Variants in TTC28 observed in about 807,000 individuals in gnomAD.
TTC28 encodes the protein tetratricopeptide repeat protein 28.
TTC28 carries 61 observed loss-of-function variants against 198.0 expected under a neutral mutation model. The observed-to-expected ratio is 0.31, with a 90% CI of 0.25 to 0.38. The LOEUF (loss-of-function observed/expected upper bound fraction) is 0.38, where lower values mean the gene tolerates loss of function less well. TTC28 is among the 10% of genes least tolerant of loss of function. The pLI is 1.00. For synonymous variants in TTC28, 1,171 were observed against 1,297.8 expected (o/e 0.90, Z 2.10); for missense variants, 2,678 against 3,164.0 (o/e 0.85, Z 3.69).
At chr22:28,560,641 T>C (rs143732209) in intron 2 of TTC28, among the ~76,000 whole-genome samples, 94 of 152,286 alleles carry the variant, frequency 6.2e-4, no homozygotes, top group Non-Finnish European at 9.1e-4. Context: ...CCTTACTTCA[T>C]TCAGGTCTCT....
chr22:28,671,350 C>T (rs2145709986), intron 1 of TTC28, among the ~76,000 whole-genome samples: 1 of 152,032 alleles, frequency 6.6e-6, no homozygotes, highest in East Asian at 2.0e-4. Context: ...ATATTTTCTT[C>T]CTTGGCCGGG....
At chr22:28,276,194 G>A (rs1261333526) in intron 5 of TTC28, among the ~76,000 whole-genome samples, 1 of 151,796 alleles carries the variant, frequency 6.6e-6, no homozygotes, top group Non-Finnish European at 1.5e-5. Flanking sequence ...TGTATTTTTT[G>A]TAGACACGAG....
At chr22:28,036,932 A>C (rs1246087502) in intron 12 of TTC28, among the ~76,000 whole-genome samples, 1 of 152,186 alleles carries the variant, frequency 6.6e-6, no homozygotes, top group Non-Finnish European at 1.5e-5. Context: ...GAAATGGATA[A>C]ATTCCTCGAC....
intron 2 of TTC28, among the ~76,000 whole-genome samples, chr22:28,434,575 T>A (rs2047489157): frequency 6.6e-6 from 1 of 152,106 alleles, no homozygotes; most frequent in Admixed American, 6.6e-5. Flanking sequence ...TATTAAGCAG[T>A]AAAGACTCAA....
intron 5 of TTC28, among the ~76,000 whole-genome samples, chr22:28,229,938 C>A (rs1444987854): frequency 6.6e-6 from 1 of 152,156 alleles, no homozygotes; most frequent in African/African-American, 2.4e-5. Context: ...AATTCCATTT[C>A]TAATGGCTTC....
rs936030381 is a variant in TTC28, at chr22:27,985,308, C to T, written c.5756G>A (p.Gly1919Glu). ...CACAGTCCGTCGATTAGCTTGCTTC[C>T]CGGTTTTCAGGATTACTTCCTCCTG... Reference protein sequence around the residue: ...VGQEEVILKTGKQANRRTVHF... With the variant: ...VGQEEVILKTEKQANRRTVHF... Residue 1919 changes from glycine to glutamate, a missense_variant, in exon 22 of 23, where the codon GGG (glycine) becomes GAG (glutamate). Physicochemically the swap from Gly to Glu is moderately conservative, Grantham distance 98. Transcript: ENST00000397906. 4.5e-6 allele frequency: 7 copies of T among 1,551,604 alleles called. No individual in the cohort carries two copies. The highest frequency in any genetic ancestry group is 6.1e-6 in the Non-Finnish European group (7 of 1,146,934).
chr22:27,983,804 GGGA>G lies in TTC28; in HGVS notation c.5860_5862del (p.Ser1954del). On this transcript the variant is annotated inframe_deletion, in exon 23 of 23. Coordinates refer to ENST00000397906, the MANE Select transcript of TTC28 (RefSeq NM_001145418.2). The stretch of plus-strand genomic sequence containing the variant: ...GACTGAGCAGAAGCAAGAGACTCGA[GGGA>G]GGAGGAGCTGTCAAGGCTGAGGCGC... 2 of 1,551,730 alleles carry G rather than the reference GGGA, an allele frequency of 1.3e-6. No individual in the cohort carries two copies. Among genetic ancestry groups the G allele is most frequent in the Non-Finnish European group, 1.7e-6 (2 of 1,147,006 alleles).
chr22:28,250,892 G>C (rs1221882475), intron 5 of TTC28, among the ~76,000 whole-genome samples: 1 of 152,192 alleles, frequency 6.6e-6, no homozygotes, highest in Non-Finnish European at 1.5e-5. Flanking sequence ...AGACATCAGA[G>C]AATTCATCTC....
At chr22:28,011,378 C>G (rs1938156479) in intron 14 of TTC28, among the ~76,000 whole-genome samples, 1 of 152,170 alleles carries the variant, frequency 6.6e-6, no homozygotes, top group Admixed American at 6.5e-5. Flanking sequence ...GATGGATTGC[C>G]TGAGCCCAGG....
chr22:28,589,113 A>G (rs893739373), intron 2 of TTC28, among the ~76,000 whole-genome samples: 8 of 152,264 alleles, frequency 5.3e-5, no homozygotes, highest in Admixed American at 3.3e-4. Flanking sequence ...GAGACCCTCC[A>G]ATTCTTACCT....
intron 2 of TTC28, among the ~76,000 whole-genome samples, chr22:28,342,009 A>G (rs1030891938): frequency 3.3e-5 from 5 of 152,002 alleles, no homozygotes; most frequent in Non-Finnish European, 7.4e-5. Flanking sequence ...TTAAAAAACA[A>G]AGATATTTTA....
intron 12 of TTC28, among the ~76,000 whole-genome samples, chr22:28,043,015 G>T (rs1601552879): frequency 1.3e-5 from 2 of 151,998 alleles, no homozygotes; most frequent in South Asian, 4.1e-4. Flanking sequence ...GGAGGCCAAG[G>T]CAGGTGGATC....
Position 28,497,177 on chromosome 22 carries a change from C to CT in TTC28, c.381+132374dup, listed in dbSNP as rs1237858714. Among the ~76,000 whole-genome samples, 12 of 152,278 alleles carry CT rather than the reference C, an allele frequency of 7.9e-5. 1 individual carries two copies. The East Asian group carries it at 2.3e-3, about 29-fold the overall frequency. ...TTAAGTATTTTAGTTTACTGTACAT[C>CT]TTTCCCCCTTAGACTCTGGGAGAAC... On this transcript the variant is annotated intron_variant, in intron 2 of 22. Transcript: ENST00000397906.
intron 2 of TTC28, among the ~76,000 whole-genome samples, chr22:28,483,735 A>C (rs942260596): frequency 6.6e-6 from 1 of 152,218 alleles, no homozygotes; most frequent in African/African-American, 2.4e-5. Flanking sequence ...TATAAATCTC[A>C]AACCTTCAAT....
intron 2 of TTC28, among the ~76,000 whole-genome samples, chr22:28,595,908 G>A (rs1047662708): frequency 7.2e-5 from 11 of 152,172 alleles, no homozygotes; most frequent in African/African-American, 2.7e-4. Context: ...TAGCAACAGA[G>A]CGAGACTCTG....
At chr22:28,378,589 A>G (rs996123086) in intron 2 of TTC28, among the ~76,000 whole-genome samples, 3 of 151,954 alleles carry the variant, frequency 2.0e-5, no homozygotes, top group African/African-American at 2.4e-5. Flanking sequence ...TGGGGCTGCA[A>G]TGAGTTATGA....
intron 2 of TTC28, among the ~76,000 whole-genome samples, chr22:28,450,853 T>C (rs568176926): frequency 1.3e-5 from 2 of 152,262 alleles, no homozygotes; most frequent in South Asian, 2.1e-4. Flanking sequence ...AGCACAGTAC[T>C]ATGAACCTTA....
intron 3 of TTC28, among the ~76,000 whole-genome samples, chr22:28,299,897 C>T (rs1346530545): frequency 1.3e-5 from 2 of 152,174 alleles, no homozygotes; most frequent in East Asian, 1.9e-4. Context: ...ATCTTGGCTG[C>T]TTGTAAACAG....
At chr22:28,096,908 G>C (rs995479787) in intron 10 of TTC28, among the ~76,000 whole-genome samples, 1 of 151,776 alleles carries the variant, frequency 6.6e-6, no homozygotes, top group Admixed American at 6.6e-5. Flanking sequence ...GGGTTCAAGC[G>C]ATTCTCCTGC....
Sources: allele counts gnomAD v4.1 joint callset (sites outside exome capture counted in the v4.1 genomes callset), GRCh38; gene constraint gnomAD v4.1.1; transcripts MANE v1.5; gene names NCBI Gene and HGNC (gene_info 2026-07-23, HGNC 2026-07-21).